ZNRF2: variants seen among roughly 807,000 people sequenced by gnomAD.
ZNRF2 encodes E3 ubiquitin-protein ligase ZNRF2.
A neutral mutation model predicts 20.4 loss-of-function variants in ZNRF2; 16 were observed. That is an observed-to-expected ratio of 0.79 (90% CI 0.53 to 1.19). The LOEUF (loss-of-function observed/expected upper bound fraction) is 1.19, where lower values mean the gene tolerates loss of function less well. ZNRF2 is among the 50% of genes most tolerant of loss of function. The pLI is 0.00. For synonymous variants in ZNRF2, 178 were observed against 144.9 expected (o/e 1.23, Z -1.64); for missense variants, 363 against 332.4 (o/e 1.09, Z -0.72).
intron 2 of ZNRF2, among the ~76,000 whole-genome samples, chr7:30,332,065 G>T (rs575400265): frequency 6.6e-6 from 1 of 152,192 alleles, no homozygotes; most frequent in South Asian, 2.1e-4. Context: ...TGTTTAAATT[G>T]TTACAAAGTA....
At chr7:30,329,925 A>G (rs1021840145) in intron 2 of ZNRF2, among the ~76,000 whole-genome samples, 1 of 152,174 alleles carries the variant, frequency 6.6e-6, no homozygotes, top group Non-Finnish European at 1.5e-5. Context: ...TCCCACCAAC[A>G]GTGTACAAGG....
At chr7:30,357,724 A>C (rs1433483103) in intron 3 of ZNRF2, among the ~76,000 whole-genome samples, 4 of 152,128 alleles carry the variant, frequency 2.6e-5, no homozygotes, top group Non-Finnish European at 4.4e-5. Flanking sequence ...TAATGAGAAA[A>C]AACAGGCCTA....
chr7:30,338,053 A>ACC (rs1799742713), intron 2 of ZNRF2, among the ~76,000 whole-genome samples: 1 of 152,152 alleles, frequency 6.6e-6, no homozygotes, highest in East Asian at 1.9e-4. Flanking sequence ...GACGACCTTC[A>ACC]TCATTCTTTA....
Position 30,316,288 on chromosome 7 carries a change from C to CAAAAAAAAAAAAAAAAAA in ZNRF2, c.470-7339_470-7322dup, listed in dbSNP as rs60218988. 1.8e-4 allele frequency among the ~76,000 whole-genome samples: 5 copies of CAAAAAAAAAAAAAAAAAA among 27,502 alleles called. 1 individual carries two copies. The highest frequency in any genetic ancestry group is 4.6e-4 in the African/African-American group (5 of 10,948). 18.0% of individuals were successfully genotyped at this position (27,502 alleles called of 152,430 possible). A position where few individuals can be genotyped will look rare whatever the true frequency, so the allele number is the denominator to read the frequency against. ...GGGCAACAAGAGCGAAACTCCATCT[C>CAAAAAAAAAAAAAAAAAA]AAAAAAAAAAAAAAAAAAAAAAAAA... On this transcript the variant is annotated intron_variant, in intron 1 of 4. Transcript: ENST00000323037.
In ZNRF2 at chr7:30,295,598, T is replaced by G. The variant is rs146360610; in HGVS notation, c.469+9772T>G. On this transcript the variant is annotated intron_variant, in intron 1 of 4. Transcript: ENST00000323037. Reference sequence around the variant, plus strand: ...GGTGGTGCGTGCCTGTAGTCCCAGCTACTCCAGAGGCTGAAGCAGGAGGAT... The same window carrying G: ...GGTGGTGCGTGCCTGTAGTCCCAGCGACTCCAGAGGCTGAAGCAGGAGGAT... Among the ~76,000 whole-genome samples the G allele has an allele frequency of 6.6e-3, 1,011 of 152,214 alleles. 16 individuals are homozygous for G. The highest frequency in any genetic ancestry group is 0.023 in the African/African-American group (972 of 41,524).
intron 1 of ZNRF2, among the ~76,000 whole-genome samples, chr7:30,290,996 A>G (rs1370805092): frequency 1.3e-5 from 2 of 152,216 alleles, no homozygotes. Flanking sequence ...AAATTCTGTA[A>G]TAGAACTGTT....
At chr7:30,293,974 A>G (rs1798962867) in intron 1 of ZNRF2, among the ~76,000 whole-genome samples, 1 of 152,174 alleles carries the variant, frequency 6.6e-6, no homozygotes, top group African/African-American at 2.4e-5. Context: ...GAATGAAGCC[A>G]TGCATACATA....
intron 1 of ZNRF2, among the ~76,000 whole-genome samples, chr7:30,304,222 A>C (rs925269088): frequency 1.3e-5 from 2 of 152,116 alleles, no homozygotes; most frequent in Non-Finnish European, 2.9e-5. Context: ...TTGCCAGCTC[A>C]TTCATGTTTT....
At chr7:30,313,894 GTA>G (rs1365020251) in intron 1 of ZNRF2, among the ~76,000 whole-genome samples, 3 of 152,190 alleles carry the variant, frequency 2.0e-5, no homozygotes, top group Non-Finnish European at 2.9e-5. Context: ...AGGTCCATTT[GTA>G]TTAGGTAAAC....
chr7:30,328,320 A>G (rs10226727), intron 2 of ZNRF2, among the ~76,000 whole-genome samples: 2 of 152,196 alleles, frequency 1.3e-5, no homozygotes, highest in Non-Finnish European at 2.9e-5. Context: ...GAATTCCTAC[A>G]TGTTGATTCC....
At chr7:30,358,870 AAGTT>A (rs1176655435) in intron 3 of ZNRF2, among the ~76,000 whole-genome samples, 1 of 152,144 alleles carries the variant, frequency 6.6e-6, no homozygotes, top group Admixed American at 6.5e-5. Context: ...TTTTTCTCTC[AAGTT>A]AGTTTTTTTC....
chr7:30,352,608 TGTCTCCATTG>T (rs1416819534), intron 2 of ZNRF2, among the ~76,000 whole-genome samples: 1 of 152,058 alleles, frequency 6.6e-6, no homozygotes, highest in African/African-American at 2.4e-5. Context: ...CAATCTCTTG[TGTCTCCATTG>T]ATCATAGCTT....
At chr7:30,353,138 C>G (rs1040301748) in intron 2 of ZNRF2, among the ~76,000 whole-genome samples, 4 of 152,048 alleles carry the variant, frequency 2.6e-5, no homozygotes, top group Admixed American at 1.3e-4. Flanking sequence ...GAAAATTAAG[C>G]ATTTGCTATG....
At chr7:30,330,043 T>C (rs1396033575) in intron 2 of ZNRF2, among the ~76,000 whole-genome samples, 1 of 152,214 alleles carries the variant, frequency 6.6e-6, no homozygotes, top group Non-Finnish European at 1.5e-5. Context: ...TGTAGCAAAT[T>C]CTTAGTCTTG....
chr7:30,352,943 T>C (rs1799981640), intron 2 of ZNRF2, among the ~76,000 whole-genome samples: 1 of 152,096 alleles, frequency 6.6e-6, no homozygotes, highest in Non-Finnish European at 1.5e-5. Context: ...TAGTTACCTA[T>C]GTGAAGGCAA....
At chr7:30,354,422 C>T (rs1477490309) in intron 2 of ZNRF2, among the ~76,000 whole-genome samples, 1 of 152,126 alleles carries the variant, frequency 6.6e-6, no homozygotes, top group Non-Finnish European at 1.5e-5. Flanking sequence ...AAATCATCTC[C>T]TGGTATCTTC....
intron 2 of ZNRF2, among the ~76,000 whole-genome samples, chr7:30,342,624 C>T (rs935183718): frequency 6.6e-6 from 1 of 152,056 alleles, no homozygotes; most frequent in Non-Finnish European, 1.5e-5. Context: ...TTTTCTAATT[C>T]ATTAATTTAG....
At chr7:30,298,394 A>T (rs1478768112) in intron 1 of ZNRF2, among the ~76,000 whole-genome samples, 2 of 152,170 alleles carry the variant, frequency 1.3e-5, no homozygotes, top group Admixed American at 1.3e-4. Flanking sequence ...GATACTTTTA[A>T]AGTGGGGGGC....
rs568380180 is a variant in ZNRF2 at position 30,316,000 on chromosome 7, A to G, written c.470-7642A>G. The stretch of plus-strand genomic sequence containing the variant: ...TATATGAAAAAAATAAAGTAAAAGA[A>G]TTGTCAGACTAGGCGCTGTGGCTCA... On this transcript the variant is annotated intron_variant, in intron 1 of 4. Coordinates refer to ENST00000323037, the MANE Select transcript of ZNRF2 (RefSeq NM_147128.4). Among the ~76,000 whole-genome samples the G allele has an allele frequency of 3.9e-5, 6 of 152,210 alleles. No homozygotes were observed. In the East Asian group the frequency reaches 1.2e-3, roughly 29 times the overall value.
Sources: allele counts gnomAD v4.1 joint callset (sites outside exome capture counted in the v4.1 genomes callset), GRCh38; gene constraint gnomAD v4.1.1; transcripts MANE v1.5; gene names NCBI Gene and HGNC (gene_info 2026-07-23, HGNC 2026-07-21).